Variants in NUP210 observed in about 807,000 individuals in gnomAD.
NUP210 encodes the protein nuclear pore membrane glycoprotein 210.
A neutral mutation model predicts 196.0 loss-of-function variants in NUP210; 151 were observed. The ratio of observed to expected loss-of-function variants is 0.77; its 90% CI spans 0.67 to 0.88. The LOEUF (loss-of-function observed/expected upper bound fraction) is 0.88. Ranked by LOEUF, NUP210 falls within the 40% of genes least tolerant of loss-of-function variation. The probability of loss-of-function intolerance (pLI) is 0.00; values close to 1 mark genes in which losing one functional copy is unlikely to be tolerated. For missense variants in NUP210, 2,314 were observed against 2,493.7 expected (o/e 0.93, Z 1.53); for synonymous variants, 1,070 against 1,052.7 (o/e 1.02, Z -0.32).
chr3:13,321,439 G>A (rs924798062), intron 36 of NUP210, 146 bp downstream of exon 36: 2 of 830,804 alleles, frequency 2.4e-6, no homozygotes, highest in Non-Finnish European at 3.7e-6. Context: ...AAAAAGAAAA[G>A]AGTACTTCAA....
At chr3:13,405,104 G>C (rs1699963322) in intron 1 of NUP210, among the ~76,000 whole-genome samples, 1 of 152,170 alleles carries the variant, frequency 6.6e-6, no homozygotes, top group Non-Finnish European at 1.5e-5. Context: ...GAGCCACAGT[G>C]ACCAGATATT....
At chr3:13,336,704 T>A in intron 27 of NUP210, 83 bp downstream of exon 27, 1 of 1,457,224 alleles carries the variant, frequency 6.9e-7, no homozygotes, top group Non-Finnish European at 9.3e-7. Flanking sequence ...TGTGGGACAA[T>A]GTGGCAGGAA....
At chr3:13,370,095 G>A (rs902966271) in intron 13 of NUP210, among the ~76,000 whole-genome samples, 14 of 152,180 alleles carry the variant, frequency 9.2e-5, no homozygotes, top group African/African-American at 3.4e-4. Context: ...GATCCAACCT[G>A]CTCTTGAGCC....
intron 12 of NUP210, among the ~76,000 whole-genome samples, chr3:13,373,280 G>A (rs953285106): frequency 2.0e-5 from 3 of 152,242 alleles, no homozygotes; most frequent in African/African-American, 4.8e-5. Flanking sequence ...AAAGCCAGGT[G>A]TGGGGACCTG....
intron 15 of NUP210, 110 bp from the exon 16 acceptor site, chr3:13,358,505 G>T: frequency 1.9e-6 from 2 of 1,056,772 alleles, no homozygotes; most frequent in Non-Finnish European, 2.7e-6. Flanking sequence ...TCCTCTATAG[G>T]ATGGGAGTGA....
rs758919078 is a variant in NUP210 at position 13,336,923 on chromosome 3, A to AGGGGAGAAGTCAGGCCC, written c.3553-22_3553-6dup. The AGGGGAGAAGTCAGGCCC allele has an allele frequency of 1.9e-6, 3 of 1,613,050 alleles. No homozygotes were observed. The South Asian group carries it at 3.3e-5, about 18-fold the overall frequency. Reference sequence around the variant, plus strand: ...GCCGGTGACATAGATGGGCATCTGCAGGGGAGAAGTCAGGCCCAGTGAGCA... The same window carrying AGGGGAGAAGTCAGGCCC: ...GCCGGTGACATAGATGGGCATCTGCAGGGGAGAAGTCAGGCCCGGGGAGAAGTCAGGCCCAGTGAGCA... On this transcript the variant is annotated splice_region_variant and splice_polypyrimidine_tract_variant and intron_variant, in intron 26 of 39. Coordinates refer to ENST00000254508, the MANE Select transcript of NUP210 (RefSeq NM_024923.4).
chr3:13,323,426 C>A lies in NUP210; in HGVS notation c.4651G>T (p.Val1551Phe), dbSNP rs1241075820. The A allele has an allele frequency of 6.2e-7, 1 of 1,614,090 alleles. No individual in the cohort carries two copies. The highest frequency in any genetic ancestry group is 8.5e-7 in the Non-Finnish European group (1 of 1,180,000). The change falls in exon 34 of 40, where the codon GTC becomes TTC. Residue 1551 changes from valine (V) to phenylalanine (F), a missense_variant. Physicochemically the swap from Val to Phe is conservative, Grantham distance 50. Coordinates refer to ENST00000254508, the MANE Select transcript of NUP210 (RefSeq NM_024923.4). This position sits in a 1 kb window ranked among gnomAD's most constrained non-coding sequence, Gnocchi z 4.3. ...GCCATGATCCTCTGAGGGACGCTGA[C>A]CACCACCTAGAGAGGGAGCCAAGGA... Reference protein sequence around the residue: ...GHLRTYKEVVVSVPQRIMARH... With the variant: ...GHLRTYKEVVFSVPQRIMARH...
chr3:13,417,763 A>G (rs1033390479), intron 1 of NUP210, among the ~76,000 whole-genome samples: 3 of 152,246 alleles, frequency 2.0e-5, no homozygotes, highest in African/African-American at 7.2e-5. Context: ...CACATCTGCA[A>G]TACAAACTAC....
At position 13,319,973 on chromosome 3, in the gene NUP210, ATT is replaced by A. The variant is rs1696451583; in HGVS notation, c.5171_5172del (p.Lys1724IlefsTer216). On this transcript the variant is annotated frameshift_variant, in exon 37 of 40. Coordinates refer to ENST00000254508, the MANE Select transcript of NUP210 (RefSeq NM_024923.4). LOFTEE classifies it high-confidence loss of function. ...APEVLENLEV[K>X]SGSPAVLAFA... Reference sequence around the variant, plus strand: ...AATGCCAGCACGGCCGGGGACCCGGATTTCACCTGGAAGAGACATCAGAGCTG... The same window carrying A: ...AATGCCAGCACGGCCGGGGACCCGGATCACCTGGAAGAGACATCAGAGCTG... 17 of 1,613,586 alleles carry A rather than the reference ATT, an allele frequency of 1.1e-5. No individual in the cohort carries two copies. The highest frequency in any genetic ancestry group is 1.4e-5 in the Non-Finnish European group (16 of 1,180,012).
intron 20 of NUP210, among the ~76,000 whole-genome samples, chr3:13,346,051 G>T (rs1697711458): frequency 6.6e-6 from 1 of 152,208 alleles, no homozygotes; most frequent in African/African-American, 2.4e-5. Context: ...TCCTTTAAAA[G>T]AACCATCTTG....
intron 28 of NUP210, among the ~76,000 whole-genome samples, chr3:13,334,837 A>C (rs1326562832): frequency 1.3e-5 from 2 of 152,160 alleles, no homozygotes; most frequent in African/African-American, 4.8e-5. Flanking sequence ...GAACCACTAG[A>C]CGCAGTCCTG....
In NUP210 at chr3:13,337,846, C is replaced by T. The variant is rs754999930; in HGVS notation, c.3543G>A (p.Thr1181=). Residue 1181 remains threonine, a synonymous_variant, in exon 26 of 40, where the codon ACG becomes ACA. Coordinates refer to ENST00000254508, the MANE Select transcript of NUP210 (RefSeq NM_024923.4). ...RIRAPIMRMR[T]GTQMPIYVTG... ...CAGGAGGTCCCCTCACCTGGGTGCC[C>T]GTCCTCATCCGCATGATGGGGGCGC... The T allele has an allele frequency of 7.5e-6, 12 of 1,610,736 alleles. No individual in the cohort carries two copies. The highest frequency in any genetic ancestry group is 4.4e-5 in the South Asian group (4 of 90,566).
chr3:13,348,679 C>A lies in NUP210; in HGVS notation c.2835+3200G>T. 1.0e-6 allele frequency: 1 copy of A among 985,382 alleles called. No individual in the cohort carries two copies. The highest frequency in any genetic ancestry group is 1.2e-6 in the Non-Finnish European group (1 of 829,940). The allele number at this position is 985,382 out of a possible 1,614,324, so 61.0% of individuals were successfully genotyped here. A position where few individuals can be genotyped will look rare whatever the true frequency, so the allele number is the denominator to read the frequency against. On this transcript the variant is annotated intron_variant, in intron 20 of 39. Transcript: ENST00000254508. This position sits in a 1 kb window ranked among gnomAD's most constrained non-coding sequence, Gnocchi z 4.0. ...GCTTGTGGTCTCAGGCTCCTCGCCTCCTCCAGTGTCCTCCAACCACAAGCA... is the reference window on the plus strand; with the variant it reads ...GCTTGTGGTCTCAGGCTCCTCGCCTACTCCAGTGTCCTCCAACCACAAGCA...
In NUP210 at chr3:13,319,913, T is replaced by C. The variant is rs754315271; in HGVS notation, c.5233A>G (p.Ile1745Val). Residue 1745 changes from isoleucine to valine, a missense_variant, in exon 37 of 40, where the codon ATC becomes GTC. Transcript: ENST00000254508. Reference sequence around the variant, plus strand: ...TCCAAGACGCCGACCGTGTATGTGATGAAGCTGGGCCACCCAAAAGACTTC... The same window carrying C: ...TCCAAGACGCCGACCGTGTATGTGACGAAGCTGGGCCACCCAAAAGACTTC... ...KEKSFGWPSFITYTVGVLDPA... is the reference protein window; with the variant it reads ...KEKSFGWPSFVTYTVGVLDPA... The C allele has an allele frequency of 6.2e-7, 1 of 1,614,200 alleles. No individual in the cohort carries two copies. The highest frequency in any genetic ancestry group is 1.1e-5 in the South Asian group (1 of 91,084).
At chr3:13,371,770 T>C in intron 13 of NUP210, 64 bp downstream of exon 13, 1 of 1,471,396 alleles carries the variant, frequency 6.8e-7, no homozygotes, top group Non-Finnish European at 9.3e-7. Flanking sequence ...CGGTCCATGC[T>C]GAGAACCCAG....
chr3:13,343,287 G>C lies in NUP210; in HGVS notation c.2852C>G (p.Pro951Arg), dbSNP rs1347067898. 1.2e-6 allele frequency: 2 copies of C among 1,613,458 alleles called. No homozygotes were observed. Among genetic ancestry groups the C allele is most frequent in the African/African-American group, 1.3e-5 (1 of 74,784 alleles). Reference sequence around the variant, plus strand: ...ATGGATCATGATGGTGGATGAGCCCGGGAGCAAAGGGTGCACCTGCAAGGT... The same window carrying C: ...ATGGATCATGATGGTGGATGAGCCCCGGAGCAAAGGGTGCACCTGCAAGGT... ...RGVAMVHPLLPGSSTIMIHDL... is the reference protein window; with the variant it reads ...RGVAMVHPLLRGSSTIMIHDL... The change falls in exon 21 of 40, where the codon CCG becomes CGG. Residue 951 changes from proline (P) to arginine (R), a missense_variant. Pro to Arg is a moderately radical substitution (Grantham distance 103). Coordinates refer to ENST00000254508, the MANE Select transcript of NUP210 (RefSeq NM_024923.4).
chr3:13,337,954 A>T (rs775531111), intron 25 of NUP210, 37 bp from the exon 26 acceptor site: 1 of 1,585,084 alleles, frequency 6.3e-7, no homozygotes, highest in Non-Finnish European at 8.6e-7. Flanking sequence ...GTGGGGATGC[A>T]GTGCTGGCCA....
chr3:13,412,247 T>TTTTTTTTTTTA (rs1553605356), intron 1 of NUP210, among the ~76,000 whole-genome samples: 60 of 135,672 alleles, frequency 4.4e-4, no homozygotes, highest in African/African-American at 1.7e-3. Flanking sequence ...TTTTTTTTTT[T>TTTTTTTTTTTA]AGTAGAGACA....
chr3:13,321,693 G>A lies in NUP210; in HGVS notation c.5058C>T (p.Pro1686=). 6.2e-7 allele frequency: 1 copy of A among 1,614,188 alleles called. No individual in the cohort carries two copies. Among genetic ancestry groups the A allele is most frequent in the Non-Finnish European group, 8.5e-7 (1 of 1,180,042 alleles). The change falls in exon 36 of 40, where the codon CCC becomes CCT. Residue 1686 remains proline (P), a synonymous_variant. Transcript: ENST00000254508. ...FSTEQVGAEV[P]FSPGLFADQA... ...GGTCGGCGAAGAGACCTGGGCTGAA[G>A]GGCACCTCGGCCCCCACCTGCTCTG...
Sources: allele counts gnomAD v4.1 joint callset (sites outside exome capture counted in the v4.1 genomes callset), GRCh38; gene constraint gnomAD v4.1.1; non-coding constraint Gnocchi (gnomAD v3.1); transcripts MANE v1.5; gene names NCBI Gene and HGNC (gene_info 2026-07-23, HGNC 2026-07-21).